The following GRIK5 variants were observed in gnomAD, a reference collection of about 807,000 sequenced individuals.
The protein encoded by GRIK5 is glutamate receptor ionotropic, kainate 5.
A neutral mutation model predicts 97.4 loss-of-function variants in GRIK5; 43 were observed. The observed-to-expected ratio is 0.44, with a 90% CI of 0.35 to 0.57. GRIK5 has a LOEUF of 0.57. Ranked by LOEUF, GRIK5 falls within the 20% of genes least tolerant of loss-of-function variation. The probability of loss-of-function intolerance (pLI) is 0.01; values close to 1 mark genes in which losing one functional copy is unlikely to be tolerated. For synonymous variants in GRIK5, 580 were observed against 583.5 expected, an observed-to-expected ratio of 0.99 and a Z score of 0.09; for missense variants, 1,015 against 1,382.0, an observed-to-expected ratio of 0.73 and a Z score of 4.21.
At chr19:42,051,927 C>T in intron 11 of GRIK5, among the ~76,000 whole-genome samples, 1 of 152,178 alleles carries the variant, frequency 6.6e-6, no homozygotes, top group East Asian at 1.9e-4. Flanking sequence ...AAGCCTTCCT[C>T]CAGCCTCCTA....
In GRIK5 at chr19:42,056,741, G is replaced by A. The variant is rs139340543; in HGVS notation, c.824C>T (p.Pro275Leu). The change falls in exon 8 of 20, where the codon CCC becomes CTC. Residue 275 changes from proline to leucine, a missense_variant. Physicochemically the swap from Pro to Leu is moderately conservative, Grantham distance 98. Coordinates refer to ENST00000593562, the MANE Select transcript of GRIK5 (RefSeq NM_002088.5). ...GCTGCGGACAAACTCAGGGTAGAAG[G>A]GGTGGGACGTGTTGAACATGGAGAA... Reference protein sequence around the residue: ...LGFSMFNTSHPFYPEFVRSLN... With the variant: ...LGFSMFNTSHLFYPEFVRSLN... 162 of 1,613,972 alleles carry A rather than the reference G, an allele frequency of 1.0e-4. No individual in the cohort carries two copies. The African/African-American group carries it at 2.1e-3, about 21-fold the overall frequency.
At chr19:42,011,871 G>A (rs983966289) in intron 15 of GRIK5, among the ~76,000 whole-genome samples, 10 of 152,082 alleles carry the variant, frequency 6.6e-5, no homozygotes, top group Admixed American at 2.0e-4. Context: ...CTACACAGGA[G>A]GCTGAGGCAG....
At chr19:42,053,376 A>G (rs1343364490) in intron 11 of GRIK5, among the ~76,000 whole-genome samples, 1 of 152,230 alleles carries the variant, frequency 6.6e-6, no homozygotes, top group Non-Finnish European at 1.5e-5. Context: ...ATACTGTGCA[A>G]AGAGCTGGGT....
At position 42,024,111 on chromosome 19, in the gene GRIK5, G is replaced by A. The variant is rs117456816; in HGVS notation, c.1474-1757C>T. ...GCTCTCCCCCAAGCTCTTCTTCCCC[G>A]TTCCAGGCTCCCATCACACCCACCC... On this transcript the variant is annotated intron_variant, in intron 12 of 19. Transcript: ENST00000593562. 2.4e-4 allele frequency among the ~76,000 whole-genome samples: 37 copies of A among 151,680 alleles called. No individual in the cohort carries two copies. The East Asian group carries it at 4.1e-3, about 17-fold the overall frequency.
At chr19:42,011,839 T>C (rs1404367551) in intron 15 of GRIK5, among the ~76,000 whole-genome samples, 2 of 152,020 alleles carry the variant, frequency 1.3e-5, no homozygotes, top group Non-Finnish European at 2.9e-5. Flanking sequence ...CTGGGCATGG[T>C]AGAGCGCACC....
Position 42,008,340 on chromosome 19 carries a change from T to C in GRIK5, c.1872-1530A>G, listed in dbSNP as rs1283018161. On this transcript the variant is annotated intron_variant, in intron 15 of 19. Transcript: ENST00000593562. ...CCTATTACATAATTTTTTAAAAAAA[T>C]ACCAGGTTGGGCACGGTGGCTCACA... Among the ~76,000 whole-genome samples the C allele has an allele frequency of 2.6e-5, 4 of 151,798 alleles. No individual in the cohort carries two copies. In the East Asian group the frequency reaches 6.0e-4, roughly 23 times the overall value.
intron 15 of GRIK5, among the ~76,000 whole-genome samples, chr19:42,008,521 G>A (rs1447186473): frequency 6.6e-6 from 1 of 152,150 alleles, no homozygotes; most frequent in Non-Finnish European, 1.5e-5. Context: ...CAGCTACTTG[G>A]GAGGCTGAGG....
chr19:42,063,347 C>T, intron 3 of GRIK5: 1 of 456,880 alleles, frequency 2.2e-6, no homozygotes, highest in South Asian at 1.5e-5. Flanking sequence ...ACATGTGTGT[C>T]TCAAGACTGG....
At chr19:42,046,310 A>G (rs2076042657) in intron 11 of GRIK5, among the ~76,000 whole-genome samples, 1 of 152,186 alleles carries the variant, frequency 6.6e-6, no homozygotes, top group Non-Finnish European at 1.5e-5. Context: ...GCCTGTGAAT[A>G]GAAATTAGAT....
At chr19:42,059,247 G>A (rs1449687962) in intron 6 of GRIK5, 102 bp downstream of exon 6, 1 of 825,630 alleles carries the variant, frequency 1.2e-6, no homozygotes, top group African/African-American at 1.7e-5. Context: ...AGGTCTTGAA[G>A]CCCCCTTTTG....
intron 12 of GRIK5, among the ~76,000 whole-genome samples, chr19:42,032,622 T>C (rs1355273353): frequency 6.6e-6 from 1 of 152,190 alleles, no homozygotes; most frequent in Non-Finnish European, 1.5e-5. Context: ...AATGGAATCC[T>C]TATATCCTCA....
chr19:42,032,064 G>A (rs1408393992), intron 12 of GRIK5, among the ~76,000 whole-genome samples: 3 of 152,132 alleles, frequency 2.0e-5, no homozygotes, highest in Non-Finnish European at 4.4e-5. Context: ...AGTGAGCTGT[G>A]ATGGCACCAC....
chr19:42,039,609 T>C (rs568036513), intron 12 of GRIK5, among the ~76,000 whole-genome samples: 2 of 152,318 alleles, frequency 1.3e-5, no homozygotes, highest in East Asian at 1.9e-4. Context: ...AGCACAGGGC[T>C]TGGTATACAG....
Position 42,003,408 on chromosome 19 carries a change from C to T in GRIK5, c.2438G>A (p.Cys813Tyr). 1 of 1,613,638 alleles carries T rather than the reference C, an allele frequency of 6.2e-7. No homozygotes were observed. Among genetic ancestry groups the T allele is most frequent in the African/African-American group, 1.3e-5 (1 of 74,938 alleles). The change falls in exon 19 of 20, where the codon TGT (cysteine) becomes TAT (tyrosine). Residue 813 changes from cysteine to tyrosine, a missense_variant. This residue lies in a region of GRIK5 where 229 missense variants were observed against 341.0 expected (regional missense o/e 0.67). Coordinates refer to ENST00000593562, the MANE Select transcript of GRIK5 (RefSeq NM_002088.5). This position sits in a 1 kb window ranked among gnomAD's most constrained non-coding sequence, Gnocchi z 4.2. ...NIGGIFIVLI[C>Y]GLIIAVFVAV... Reference sequence around the variant, plus strand: ...CACGAAGACAGCAATGATGAGGCCACAGATGAGCACGATAAAAATGCCACC... The same window carrying T: ...CACGAAGACAGCAATGATGAGGCCATAGATGAGCACGATAAAAATGCCACC...
chr19:42,057,695 ACT>A (rs934812615), intron 6 of GRIK5, among the ~76,000 whole-genome samples: 5 of 151,832 alleles, frequency 3.3e-5, no homozygotes, highest in African/African-American at 1.2e-4. Flanking sequence ...TAAGCCCTAC[ACT>A]CTCCAAAAGC....
At chr19:42,030,452 C>T (rs769407886) in intron 12 of GRIK5, among the ~76,000 whole-genome samples, 15 of 151,814 alleles carry the variant, frequency 9.9e-5, no homozygotes, top group Non-Finnish European at 2.1e-4. Context: ...CCACCGTGCC[C>T]AGCCAGGGTT....
chr19:42,055,984 A>G (rs1312488544), intron 8 of GRIK5, among the ~76,000 whole-genome samples: 2 of 138,558 alleles, frequency 1.4e-5, no homozygotes, highest in East Asian at 4.3e-4. Flanking sequence ...TGCCTGGCCA[A>G]TTTACTTTTT....
chr19:42,057,239 T>A (rs2076198925), intron 6 of GRIK5, among the ~76,000 whole-genome samples: 1 of 152,000 alleles, frequency 6.6e-6, no homozygotes, highest in Non-Finnish European at 1.5e-5. Context: ...GAGGAGAGAT[T>A]TTGCTAGAGG....
intron 3 of GRIK5, among the ~76,000 whole-genome samples, chr19:42,064,803 G>A (rs1207175358): frequency 3.3e-5 from 5 of 152,094 alleles, no homozygotes; most frequent in African/African-American, 9.7e-5. Flanking sequence ...GTGGCCGGCC[G>A]TGCTTGGAGC....
Sources: allele counts gnomAD v4.1 joint callset (sites outside exome capture counted in the v4.1 genomes callset), GRCh38; gene constraint gnomAD v4.1.1; regional missense constraint gnomAD v4.1.1; non-coding constraint Gnocchi (gnomAD v3.1); transcripts MANE v1.5; gene names NCBI Gene and HGNC (gene_info 2026-07-23, HGNC 2026-07-21).